The following SPTBN5 variants were observed in gnomAD, a reference collection of about 807,000 sequenced individuals.
The protein encoded by SPTBN5 is spectrin beta, non-erythrocytic 5.
In SPTBN5, 513 loss-of-function variants were observed where a neutral mutation model predicts 477.6. The ratio of observed to expected loss-of-function variants is 1.07; its 90% CI spans 1.00 to 1.16. The LOEUF (loss-of-function observed/expected upper bound fraction) is 1.16, where lower values mean the gene tolerates loss of function less well. Among genes scored for constraint, SPTBN5 ranks in the 50% most tolerant of loss-of-function variants. The probability of loss-of-function intolerance (pLI) is 0.00; values close to 1 mark genes in which losing one functional copy is unlikely to be tolerated. For synonymous variants in SPTBN5, 2,169 were observed against 2,011.7 expected (o/e 1.08, Z -2.09); for missense variants, 5,062 against 4,731.8 (o/e 1.07, Z -2.05).
In SPTBN5 at chr15:41,871,356, T is replaced by C; in HGVS notation, c.5447+19A>G. ...CCTTCCCCCAAACCCCATGCTGGCCTGGCCCGTTGGGCACTCACTGCAGAT... is the reference window on the plus strand; with the variant it reads ...CCTTCCCCCAAACCCCATGCTGGCCCGGCCCGTTGGGCACTCACTGCAGAT... On this transcript the variant is annotated intron_variant, in intron 29 of 67. Coordinates refer to ENST00000320955, the MANE Select transcript of SPTBN5 (RefSeq NM_016642.4). The C allele has an allele frequency of 7.1e-7, 1 of 1,403,684 alleles. No individual in the cohort carries two copies. Among genetic ancestry groups the C allele is most frequent in the Non-Finnish European group, 9.3e-7 (1 of 1,076,920 alleles). The allele number at this position is 1,403,684 out of a possible 1,614,324, so 87.0% of individuals were successfully genotyped here. A position where few individuals can be genotyped will look rare whatever the true frequency, so the allele number is the denominator to read the frequency against.
At chr15:41,872,206 C>T in intron 27 of SPTBN5, 96 bp downstream of exon 27, 1 of 1,445,066 alleles carries the variant, frequency 6.9e-7, no homozygotes, top group Non-Finnish European at 9.3e-7. Flanking sequence ...AGCCTGGGGT[C>T]ATGGGTTCTG....
intron 52 of SPTBN5, 68 bp from the exon 53 acceptor site, chr15:41,856,666 A>G (rs2065937449): frequency 6.9e-7 from 1 of 1,448,944 alleles, no homozygotes; most frequent in Admixed American, 2.2e-5. Context: ...GTTGTGCTTG[A>G]AGTTTCACGG....
rs1357765416 is a variant in SPTBN5 at position 41,862,325 on chromosome 15, C to A, written c.7386-33G>T. 5.1e-6 allele frequency: 8 copies of A among 1,561,396 alleles called. No individual in the cohort carries two copies. In the Admixed American group the frequency reaches 5.4e-5, roughly 10 times the overall value. On this transcript the variant is annotated intron_variant, in intron 43 of 67. Coordinates refer to ENST00000320955, the MANE Select transcript of SPTBN5 (RefSeq NM_016642.4). ...CAGCGCTCATCAGCTAGTCGTCAGG[C>A]CTTCAAACCCCTCTCCCCCATGCCC...
intron 25 of SPTBN5, 90 bp from the exon 26 acceptor site, chr15:41,873,698 A>G: frequency 6.9e-7 from 1 of 1,448,842 alleles, no homozygotes; most frequent in Non-Finnish European, 9.4e-7. Context: ...TCCAGCATCA[A>G]AGGGGCTTCT....
chr15:41,861,514 G>T lies in SPTBN5; in HGVS notation c.7738-18C>A, dbSNP rs1226073947. 1 of 1,612,816 alleles carries T rather than the reference G, an allele frequency of 6.2e-7. No individual in the cohort carries two copies. Among genetic ancestry groups the T allele is most frequent in the Non-Finnish European group, 8.5e-7 (1 of 1,179,362 alleles). ...AGAAACAGCTGAGAACAAAGGAAAA[G>T]GCAAGAGACAGTCGGTGGAGGGTCC... On this transcript the variant is annotated intron_variant, in intron 45 of 67. Transcript: ENST00000320955.
At chr15:41,867,958 C>A in intron 34 of SPTBN5, 111 bp downstream of exon 34, 1 of 1,382,282 alleles carries the variant, frequency 7.2e-7, no homozygotes, top group South Asian at 1.5e-5. Context: ...GCACAGCTGC[C>A]TCATATTAGA....
rs1435749730 is a variant in SPTBN5, at chr15:41,848,151, CGCTGAGACCATCTGTTATTACT to C, written c.*443_*464del. Reference sequence around the variant, plus strand: ...ATCACAGACTCATACAAATGTGAGGCGCTGAGACCATCTGTTATTACTGCTGAGAAGGGCCATGTCATTCTAG... The same window carrying C: ...ATCACAGACTCATACAAATGTGAGGCGCTGAGAAGGGCCATGTCATTCTAG... On this transcript the variant is annotated 3_prime_UTR_variant, in exon 68 of 68. Transcript: ENST00000320955. 1 of 550,680 alleles carries C rather than the reference CGCTGAGACCATCTGTTATTACT, an allele frequency of 1.8e-6. No homozygotes were observed. The highest frequency in any genetic ancestry group is 3.3e-6 in the Non-Finnish European group (1 of 307,368). 34.1% of individuals were successfully genotyped at this position (550,680 alleles called of 1,614,324 possible).
At position 41,879,411 on chromosome 15, in the gene SPTBN5, G is replaced by A; in HGVS notation, c.3031C>T (p.Pro1011Ser). The A allele has an allele frequency of 6.2e-7, 1 of 1,610,600 alleles. No individual in the cohort carries two copies. The highest frequency in any genetic ancestry group is 8.5e-7 in the Non-Finnish European group (1 of 1,179,678). Residue 1011 changes from proline (P) to serine (S), a missense_variant, in exon 16 of 68, where the codon CCC (proline) becomes TCC (serine). Coordinates refer to ENST00000320955, the MANE Select transcript of SPTBN5 (RefSeq NM_016642.4). ...ACGTCTCGCAGCTGGACCTGTGTGG[G>A]TCCACACTCCTGCAGAAAACTGCAC... ...EVCSFLQECG[P>S]TQVQLRDVLL...
At position 41,873,980 on chromosome 15, in the gene SPTBN5, G is replaced by T; in HGVS notation, c.4755C>A (p.Ser1585Arg). The T allele has an allele frequency of 6.2e-7, 1 of 1,606,032 alleles. No homozygotes were observed. Among genetic ancestry groups the T allele is most frequent in the Non-Finnish European group, 8.5e-7 (1 of 1,179,766 alleles). The change falls in exon 25 of 68, where the codon AGC (serine) becomes AGA (arginine). Residue 1585 changes from serine (S) to arginine (R), a missense_variant. By Grantham distance (110) the Ser-to-Arg change is moderately radical. Transcript: ENST00000320955. The part of the protein sequence containing the change: ...QVQRVLSSGR[S>R]LAASGHPQAQ... ...CTTGGGGGTGCCCTGAGGCTGCCAG[G>T]CTCCGCCCAGAACTCAGCACCCGTT... is the stretch of plus-strand genomic sequence containing the variant.
intron 38 of SPTBN5, 35 bp from the exon 39 acceptor site, chr15:41,865,938 A>G (rs1234136139): frequency 6.4e-7 from 1 of 1,550,910 alleles, no homozygotes; most frequent in Non-Finnish European, 8.7e-7. Context: ...GAGCGCTGTG[A>G]GCACCAGCCC....
chr15:41,855,021 T>C (rs758363857), intron 55 of SPTBN5, 45 bp from the exon 56 acceptor site: 1 of 1,502,404 alleles, frequency 6.7e-7, no homozygotes, highest in Non-Finnish European at 8.9e-7. Context: ...GATGGTATCA[T>C]GAGCTCTCAA....
chr15:41,871,035 A>T (rs1201737078), intron 29 of SPTBN5, among the ~76,000 whole-genome samples: 2 of 152,236 alleles, frequency 1.3e-5, no homozygotes, highest in East Asian at 3.9e-4. Flanking sequence ...AGCCAAGTGG[A>T]CAGCTAGGAA....
chr15:41,888,229 G>A, intron 4 of SPTBN5, 144 bp from the exon 5 acceptor site: 1 of 825,330 alleles, frequency 1.2e-6, no homozygotes, highest in Non-Finnish European at 1.8e-6. Context: ...TCTCTTCAGA[G>A]TATCTGATTT....
Position 41,892,959 on chromosome 15 carries a change from G to A in SPTBN5, c.319C>T (p.Arg107Trp), listed in dbSNP as rs199701909. 316 of 1,609,062 alleles carry A rather than the reference G, an allele frequency of 2.0e-4. 1 individual carries two copies. Among genetic ancestry groups the A allele is most frequent in the Non-Finnish European group, 2.2e-4 (256 of 1,179,714 alleles). Residue 107 changes from arginine (R) to tryptophan (W), a missense_variant, in exon 3 of 68, where the codon CGG becomes TGG. Transcript: ENST00000320955. ...AGGAAGTGCACACGCAGGCGGCCCCGGCTCGGGGGTGGCAGGGCCTCCCCT... is the reference window on the plus strand; with the variant it reads ...AGGAAGTGCACACGCAGGCGGCCCCAGCTCGGGGGTGGCAGGGCCTCCCCT... ...ISGEALPPPSRGRLRVHFLEN... is the reference protein window; with the variant it reads ...ISGEALPPPSWGRLRVHFLEN...
chr15:41,887,361 T>A lies in SPTBN5; in HGVS notation c.740A>T (p.Gln247Leu). 1 of 1,553,028 alleles carries A rather than the reference T, an allele frequency of 6.4e-7. No individual in the cohort carries two copies. The highest frequency in any genetic ancestry group is 8.7e-7 in the Non-Finnish European group (1 of 1,148,066). The change falls in exon 6 of 68, where the codon CAG becomes CTG. Residue 247 changes from glutamine to leucine, a missense_variant. Physicochemically the swap from Gln to Leu is moderately radical, Grantham distance 113. Coordinates refer to ENST00000320955, the MANE Select transcript of SPTBN5 (RefSeq NM_016642.4). ...NLAFAFLVAE[Q>L]ELGIAQLLDP... ...CAGCAGCTGAGCAATGCCCAGCTCCTGCTCAGCCACCAGGAAAGCAAAAGC... is the reference window on the plus strand; with the variant it reads ...CAGCAGCTGAGCAATGCCCAGCTCCAGCTCAGCCACCAGGAAAGCAAAAGC...
At chr15:41,855,012 A>G in intron 55 of SPTBN5, 36 bp from the exon 56 acceptor site, 1 of 1,504,008 alleles carries the variant, frequency 6.6e-7, no homozygotes, top group Admixed American at 2.2e-5. Flanking sequence ...GTCACTTGAG[A>G]TGGTATCATG....
Position 41,851,838 on chromosome 15 carries a change from T to C in SPTBN5, c.10597A>G (p.Thr3533Ala), listed in dbSNP as rs1474505410. Residue 3533 changes from threonine (T) to alanine (A), a missense_variant, in exon 63 of 68, where the codon ACC becomes GCC. Physicochemically the swap from Thr to Ala is moderately conservative, Grantham distance 58 (BLOSUM62 0). Coordinates refer to ENST00000320955, the MANE Select transcript of SPTBN5 (RefSeq NM_016642.4). ...ETRDPQDAKG[T>A]PTMEGSLEFK... ...TCCAAAGACCCCTCCATGGTGGGGGTACCCTTTGCATCCTGAAAATGCAAG... is the reference window on the plus strand; with the variant it reads ...TCCAAAGACCCCTCCATGGTGGGGGCACCCTTTGCATCCTGAAAATGCAAG... The C allele has an allele frequency of 2.8e-5, 45 of 1,609,688 alleles. No individual in the cohort carries two copies. Among genetic ancestry groups the C allele is most frequent in the Non-Finnish European group, 3.6e-5 (42 of 1,178,986 alleles).
intron 23 of SPTBN5, 67 bp from the exon 24 acceptor site, chr15:41,874,545 C>A (rs1317649566): frequency 7.4e-7 from 1 of 1,348,174 alleles, no homozygotes; most frequent in Non-Finnish European, 1.0e-6. Context: ...TGGTTCTTTC[C>A]TTGGCCAAGC....
intron 25 of SPTBN5, 33 bp downstream of exon 25, chr15:41,873,812 C>G: frequency 6.2e-7 from 1 of 1,605,378 alleles, no homozygotes; most frequent in Non-Finnish European, 8.5e-7. Flanking sequence ...TGACTTCTGC[C>G]TCTTCCCCCA....
Sources: allele counts gnomAD v4.1 joint callset (sites outside exome capture counted in the v4.1 genomes callset), GRCh38; gene constraint gnomAD v4.1.1; transcripts MANE v1.5; gene names NCBI Gene and HGNC (gene_info 2026-07-23, HGNC 2026-07-21).